The following FAT2 variants were observed in gnomAD, a reference collection of about 807,000 sequenced individuals.
The protein encoded by FAT2 is FAT atypical cadherin 2.
Under a neutral mutation model 295.3 loss-of-function variants are expected in FAT2, and 150 were observed. The observed-to-expected ratio is 0.51, with a 90% CI of 0.44 to 0.58. The LOEUF (loss-of-function observed/expected upper bound fraction) is 0.58. Ranked by LOEUF, FAT2 falls within the 20% of genes least tolerant of loss-of-function variation. FAT2 has a pLI of 0.00. For missense variants in FAT2, 4,868 were observed against 5,442.7 expected (o/e 0.89, Z 3.32); for synonymous variants, 2,026 against 2,150.3 (o/e 0.94, Z 1.60).
intron 18 of FAT2, among the ~76,000 whole-genome samples, chr5:151,524,742 C>T (rs927309616): frequency 3.3e-5 from 5 of 152,150 alleles, no homozygotes; most frequent in African/African-American, 1.2e-4. Context: ...TCATGATGTT[C>T]TCAGTACCTC....
chr5:151,549,858 G>A (rs1472874612), intron 8 of FAT2, among the ~76,000 whole-genome samples: 6 of 152,192 alleles, frequency 3.9e-5, no homozygotes, highest in South Asian at 2.1e-4. Context: ...TAAATTTGGG[G>A]AGCACTGAAT....
At chr5:151,553,834 A>G (rs1334031353) in intron 5 of FAT2, among the ~76,000 whole-genome samples, 5 of 152,200 alleles carry the variant, frequency 3.3e-5, no homozygotes, top group South Asian at 2.1e-4. Flanking sequence ...AGGTCCTGTT[A>G]TCATCTGTCT....
At chr5:151,518,682 A>T (rs1266331296) in intron 19 of FAT2, among the ~76,000 whole-genome samples, 1 of 152,228 alleles carries the variant, frequency 6.6e-6, no homozygotes, top group Non-Finnish European at 1.5e-5. Context: ...AAAGTCTGGC[A>T]TCCTCCATCC....
chr5:151,505,478 A>C lies in FAT2; in HGVS notation c.*87T>G. ...GGGCTTCCCTCCCACTCTCCCAGCC[A>C]CACTCAACTCACCCCCTACGAGACA... On this transcript the variant is annotated 3_prime_UTR_variant, in exon 24 of 24. Transcript: ENST00000261800. The C allele has an allele frequency of 6.6e-7, 1 of 1,524,610 alleles. No homozygotes were observed. The highest frequency in any genetic ancestry group is 8.9e-7 in the Non-Finnish European group (1 of 1,118,454). 94.4% of individuals were successfully genotyped at this position (1,524,610 alleles called of 1,614,324 possible). A position where few individuals can be genotyped will look rare whatever the true frequency, so the allele number is the denominator to read the frequency against.
chr5:151,540,266 A>T (rs1267602529), intron 11 of FAT2, among the ~76,000 whole-genome samples: 2 of 152,162 alleles, frequency 1.3e-5, no homozygotes, highest in Non-Finnish European at 2.9e-5. Flanking sequence ...CCTGGGAGCT[A>T]GTCTGAGGCT....
Position 151,566,826 on chromosome 5 carries a change from T to TA in FAT2, c.2105dup (p.Leu702PhefsTer7), listed in dbSNP as rs1480510632. The TA allele has an allele frequency of 1.9e-6, 3 of 1,614,070 alleles. No homozygotes were observed. The highest frequency in any genetic ancestry group is 2.5e-6 in the Non-Finnish European group (3 of 1,180,032). Reference sequence around the variant, plus strand: ...TGTAATGATTAATCTGATATGTGCTTAAAGAAGTGAATTCCTCATCACTGG... The same window carrying TA: ...TGTAATGATTAATCTGATATGTGCTTAAAAGAAGTGAATTCCTCATCACTGG... On this transcript the variant is annotated frameshift_variant, in exon 2 of 24. Transcript: ENST00000261800. LOFTEE classifies it high-confidence loss of function.
At chr5:151,539,188 G>T (rs1755843249) in intron 11 of FAT2, among the ~76,000 whole-genome samples, 1 of 152,104 alleles carries the variant, frequency 6.6e-6, no homozygotes, top group South Asian at 2.1e-4. Flanking sequence ...CCCAAATATG[G>T]TCATCTTGGA....
chr5:151,526,254 G>A (rs1753968530), intron 17 of FAT2, among the ~76,000 whole-genome samples: 1 of 152,198 alleles, frequency 6.6e-6, no homozygotes, highest in Non-Finnish European at 1.5e-5. Flanking sequence ...ATTCTGTAGA[G>A]AGATGACTTG....
intron 13 of FAT2, among the ~76,000 whole-genome samples, chr5:151,532,628 A>T (rs1315182067): frequency 6.6e-6 from 1 of 152,230 alleles, no homozygotes; most frequent in Non-Finnish European, 1.5e-5. Flanking sequence ...ACGTCAACAT[A>T]AAAAGTTAAG....
intron 3 of FAT2, among the ~76,000 whole-genome samples, chr5:151,562,662 T>G (rs1366651978): frequency 6.6e-6 from 1 of 152,236 alleles, no homozygotes; most frequent in Non-Finnish European, 1.5e-5. Flanking sequence ...TGGAATGTTT[T>G]GTGGAATTTT....
At chr5:151,585,934 C>G (rs1421196313) in intron 1 of FAT2, among the ~76,000 whole-genome samples, 1 of 152,174 alleles carries the variant, frequency 6.6e-6, no homozygotes, top group Non-Finnish European at 1.5e-5. Context: ...ATACAACTCT[C>G]AGAAAGGTGG....
chr5:151,561,393 T>TC (rs1015360552), intron 3 of FAT2, among the ~76,000 whole-genome samples: 52 of 145,752 alleles, frequency 3.6e-4, no homozygotes, highest in African/African-American at 1.3e-3. Flanking sequence ...TTTCTCTCTC[T>TC]TTTTTTTTTC....
intron 1 of FAT2, among the ~76,000 whole-genome samples, chr5:151,579,786 T>A (rs1013924836): frequency 2.6e-5 from 4 of 152,126 alleles, no homozygotes; most frequent in Non-Finnish European, 4.4e-5. Flanking sequence ...CCTCAGATAG[T>A]GTTCTGAAGG....
At chr5:151,506,128 C>CATTT in intron 23 of FAT2, 31 bp from the exon 24 acceptor site, 1 of 1,492,448 alleles carries the variant, frequency 6.7e-7, no homozygotes, top group Middle Eastern at 1.9e-4. Context: ...AGGGTGAGCT[C>CATTT]ATTTTCTCCC....
chr5:151,535,259 T>TA (rs1485635635), intron 12 of FAT2, among the ~76,000 whole-genome samples: 1 of 151,982 alleles, frequency 6.6e-6, no homozygotes, highest in Non-Finnish European at 1.5e-5. Flanking sequence ...TTGGGTGTGT[T>TA]ATGTTAGGCC....
At position 151,550,663 on chromosome 5, in the gene FAT2, C is replaced by T; in HGVS notation, c.4505G>A (p.Ser1502Asn). The T allele has an allele frequency of 1.2e-6, 2 of 1,614,242 alleles. No homozygotes were observed. Among genetic ancestry groups the T allele is most frequent in the Non-Finnish European group, 8.5e-7 (1 of 1,180,048 alleles). The change falls in exon 8 of 24, where the codon AGC becomes AAC. Residue 1502 changes from serine to asparagine, a missense_variant. This residue lies in a region of FAT2 where 3,297 missense variants were observed against 3,669.4 expected (regional missense o/e 0.90). Coordinates refer to ENST00000261800, the MANE Select transcript of FAT2 (RefSeq NM_001447.3). ...GSASLFQLDP[S>N]SGVLVTVGKL... ...TCCCACCGTTACCAGGACACCACTG[C>T]TTGGGTCCAGCTGGAAGAGGCTGGC...
rs2127631793 is a variant in FAT2, at chr5:151,554,680, G to A, written c.3634-7C>T. On this transcript the variant is annotated splice_region_variant and splice_polypyrimidine_tract_variant and intron_variant, in intron 4 of 23. Transcript: ENST00000261800. ...CATTGTCCAGCACAGTCACCTGGGA[G>A]CAGAATTGAGCATGAGCACCTGAGC... 6.2e-7 allele frequency: 1 copy of A among 1,602,340 alleles called. No individual in the cohort carries two copies. The highest frequency in any genetic ancestry group is 8.5e-7 in the Non-Finnish European group (1 of 1,173,922).
chr5:151,549,889 T>C (rs548160152), intron 8 of FAT2, among the ~76,000 whole-genome samples: 6 of 152,202 alleles, frequency 3.9e-5, no homozygotes, highest in Non-Finnish European at 8.8e-5. Flanking sequence ...CAAACAGTTT[T>C]CTTTGTTGCA....
Position 151,568,324 on chromosome 5 carries a change from A to G in FAT2, c.608T>C (p.Val203Ala). Residue 203 changes from valine (V) to alanine (A), a missense_variant, in exon 2 of 24, where the codon GTC becomes GCC. Coordinates refer to ENST00000261800, the MANE Select transcript of FAT2 (RefSeq NM_001447.3). ...GACGTTAAGCTTCCCAGCCACAGTG[A>G]CCACACCGCTGGTGGGATGGATGGC... ...MFAIHPTSGV[V>A]TVAGKLNVTW... The G allele has an allele frequency of 6.2e-7, 1 of 1,614,156 alleles. No homozygotes were observed. The highest frequency in any genetic ancestry group is 2.2e-5 in the East Asian group (1 of 44,888).
Sources: gnomAD v4.1 joint callset for allele counts (sites outside exome capture counted in the v4.1 genomes callset) on GRCh38, gnomAD v4.1.1 for gene constraint, gnomAD v4.1.1 regional missense constraint, MANE v1.5 for transcripts, NCBI Gene and HGNC (gene_info 2026-07-23, HGNC 2026-07-21) for gene names.